Variants in COL18A1 observed in about 807,000 individuals in gnomAD.
COL18A1 encodes collagen alpha-1(XVIII) chain.
COL18A1 carries 133 observed loss-of-function variants against 168.0 expected under a neutral mutation model. That is an observed-to-expected ratio of 0.79 (90% CI 0.69 to 0.91). The LOEUF (loss-of-function observed/expected upper bound fraction) is 0.91. COL18A1 is among the 40% of genes least tolerant of loss of function. The pLI, the probability that COL18A1 is intolerant of heterozygous loss-of-function variation, is 0.00. For missense variants in COL18A1, 2,126 were observed against 1,925.4 expected (o/e 1.10, Z -1.95); for synonymous variants, 949 against 809.0 (o/e 1.17, Z -2.94).
At chr21:45,414,578 G>A (rs1333660349) in intron 2 of COL18A1, among the ~76,000 whole-genome samples, 2 of 152,042 alleles carry the variant, frequency 1.3e-5, no homozygotes, top group Admixed American at 6.5e-5. Context: ...CCCTGCGGCC[G>A]ACTCTGCCCC....
chr21:45,510,987 CCACACACACAA>C, intron 40 of COL18A1, 113 bp from the exon 41 acceptor site: 1 of 38,670 alleles, frequency 2.6e-5, no homozygotes, highest in Non-Finnish European at 5.0e-5. Flanking sequence ...CCCCCACACC[CCACACACACAA>C]CACACCCCCC....
chr21:45,507,771 G>A (rs959489049), intron 38 of COL18A1, among the ~76,000 whole-genome samples, 178 bp downstream of exon 38: 7 of 152,158 alleles, frequency 4.6e-5, no homozygotes, highest in African/African-American at 9.7e-5. Context: ...CTGTCTCAGC[G>A]CTGGCCCCCC....
chr21:45,416,367 G>A (rs909164231), intron 2 of COL18A1, among the ~76,000 whole-genome samples: 9 of 152,004 alleles, frequency 5.9e-5, no homozygotes, highest in African/African-American at 1.7e-4. Context: ...GGGGGTGGCC[G>A]GGGCACAGTC....
chr21:45,430,890 G>T (rs959208052), intron 2 of COL18A1, among the ~76,000 whole-genome samples: 1 of 152,346 alleles, frequency 6.6e-6, no homozygotes, highest in East Asian at 1.9e-4. Context: ...GGAGCAAGGC[G>T]GATCAGATGG....
intron 2 of COL18A1, among the ~76,000 whole-genome samples, chr21:45,449,062 G>A (rs2034565164): frequency 6.6e-6 from 1 of 152,228 alleles, no homozygotes; most frequent in South Asian, 2.1e-4. Context: ...CTGGGAAGAT[G>A]TCTAAAGTGT....
rs1569273645 is a variant in COL18A1, at chr21:45,411,778, A to AGGGGGGGGGGG, written c.106+6307_106+6308insGGGGGGGGGGG. ...TGATGGCGGGGGGTGGGGGGGGGGC[A>AGGGGGGGGGGG]GGCTGTGGTCAGGGACCTGCAGGAG... On this transcript the variant is annotated intron_variant, in intron 2 of 41. Transcript: ENST00000651438. Among the ~76,000 whole-genome samples the AGGGGGGGGGGG allele has an allele frequency of 1.3e-4, 14 of 108,322 alleles. 1 individual carries two copies. The highest frequency in any genetic ancestry group is 2.5e-4 in the African/African-American group (6 of 24,462). 71.1% of individuals were successfully genotyped at this position (108,322 alleles called of 152,430 possible). A position where few individuals can be genotyped will look rare whatever the true frequency, so the allele number is the denominator to read the frequency against.
chr21:45,487,790 AG>A (rs559108045), intron 17 of COL18A1, among the ~76,000 whole-genome samples: 8 of 152,324 alleles, frequency 5.3e-5, no homozygotes, highest in African/African-American at 1.9e-4. Context: ...GCCCCCTGAA[AG>A]GCCTTTCTGG....
chr21:45,490,114 C>G (rs898418454), intron 19 of COL18A1, among the ~76,000 whole-genome samples, 161 bp from the exon 20 acceptor site: 1 of 64,604 alleles, frequency 1.5e-5, no homozygotes, highest in South Asian at 5.9e-4. Context: ...CCCCCCTCCC[C>G]CACTCCTCCA....
At chr21:45,470,494 T>TG (rs1415886190) in intron 3 of COL18A1, among the ~76,000 whole-genome samples, 1 of 146,462 alleles carries the variant, frequency 6.8e-6, no homozygotes, top group African/African-American at 2.5e-5. Context: ...TTTTTTTTGT[T>TG]TTTTTTTTTT....
intron 2 of COL18A1, among the ~76,000 whole-genome samples, chr21:45,459,483 C>G (rs557344723): frequency 2.0e-5 from 3 of 152,336 alleles, no homozygotes; most frequent in African/African-American, 4.8e-5. Context: ...GCCTCCTGCC[C>G]GGCTCCATCT....
intron 2 of COL18A1, among the ~76,000 whole-genome samples, chr21:45,437,512 GCACACACACACTCA>G (rs2034180060): frequency 4.1e-5 from 1 of 24,600 alleles, no homozygotes; most frequent in East Asian, 1.5e-3. Flanking sequence ...GCACTCTCCT[GCACACACACACTCA>G]GACACACAGG....
At chr21:45,474,773 C>T (rs2035581112) in intron 4 of COL18A1, among the ~76,000 whole-genome samples, 3 of 151,682 alleles carry the variant, frequency 2.0e-5, no homozygotes, top group African/African-American at 7.3e-5. Context: ...CACAGCCTCG[C>T]TCCTGGGGGC....
At chr21:45,422,408 T>C (rs1214816626) in intron 2 of COL18A1, 1 of 518,270 alleles carries the variant, frequency 1.9e-6, no homozygotes, top group Admixed American at 2.0e-5. Flanking sequence ...ACTGAGGGTC[T>C]CACCTCTTCC....
chr21:45,479,680 G>A (rs775300244), intron 9 of COL18A1, among the ~76,000 whole-genome samples: 2 of 152,100 alleles, frequency 1.3e-5, no homozygotes, highest in Non-Finnish European at 2.9e-5. Context: ...GTGACCTCCC[G>A]AGGGATGCTG....
At chr21:45,437,328 A>ACG (rs1417382754) in intron 2 of COL18A1, among the ~76,000 whole-genome samples, 2 of 80,476 alleles carry the variant, frequency 2.5e-5, no homozygotes, top group African/African-American at 6.2e-5. Context: ...CTGCACACAC[A>ACG]CACACTCAGA....
At chr21:45,503,805 A>C (rs942530999) in intron 32 of COL18A1, 1 of 326,910 alleles carries the variant, frequency 3.1e-6, no homozygotes, top group African/African-American at 2.2e-5. Flanking sequence ...TAAAAAATTT[A>C]AAAATAAAAT....
At chr21:45,506,138 GTT>G in intron 37 of COL18A1, 172 bp downstream of exon 37, 1 of 1,047,506 alleles carries the variant, frequency 9.5e-7, no homozygotes, top group East Asian at 2.6e-5. Context: ...TTTGTGAGCA[GTT>G]TTGGGTTTAA....
At chr21:45,474,019 A>AC (rs2035542170) in intron 4 of COL18A1, 38 bp downstream of exon 4, 2 of 1,504,360 alleles carry the variant, frequency 1.3e-6, no homozygotes, top group Non-Finnish European at 1.8e-6. Flanking sequence ...GTCTCCCCTC[A>AC]ATCCCTGGCA....
intron 2 of COL18A1, among the ~76,000 whole-genome samples, chr21:45,430,168 T>C (rs1034620823): frequency 1.3e-5 from 2 of 151,574 alleles, no homozygotes; most frequent in Non-Finnish European, 1.5e-5. Context: ...GCTGTGTCCA[T>C]GAAGTGGGGT....
Sources: allele counts gnomAD v4.1 joint callset (sites outside exome capture counted in the v4.1 genomes callset), GRCh38; gene constraint gnomAD v4.1.1; transcripts MANE v1.5; gene names NCBI Gene and HGNC (gene_info 2026-07-23, HGNC 2026-07-21).